CSTPP1: variants seen among roughly 807,000 people sequenced by gnomAD.
The protein encoded by CSTPP1 is centriolar satellite-associated tubulin polyglutamylase complex regulator 1.
the CSTPP1 span, among the ~76,000 whole-genome samples, chr11:46,955,370 T>G: frequency 2.1e-5 from 3 of 144,422 alleles, no homozygotes; most frequent in South Asian, 2.2e-4. Flanking sequence ...TGTTTTTTTG[T>G]TTTTTTTTTT....
the CSTPP1 span, among the ~76,000 whole-genome samples, chr11:47,132,553 C>T: frequency 6.6e-6 from 1 of 152,088 alleles, no homozygotes; most frequent in African/African-American, 2.4e-5. Context: ...ACAAGGAAAC[C>T]AAGGTTCAGG....
the CSTPP1 span, among the ~76,000 whole-genome samples, chr11:47,013,254 G>GTTTTA: frequency 3.4e-5 from 5 of 148,942 alleles, no homozygotes; most frequent in African/African-American, 1.3e-4. Context: ...GTTTTGTTTT[G>GTTTTA]TTTTAAGTTC....
At chr11:47,162,832 A>G in the CSTPP1 span, among the ~76,000 whole-genome samples, 1 of 152,176 alleles carries the variant, frequency 6.6e-6, no homozygotes, top group East Asian at 1.9e-4. Context: ...GGATCATTAC[A>G]GGAACTGCCT....
the CSTPP1 span, among the ~76,000 whole-genome samples, chr11:47,021,519 G>T: frequency 2.0e-5 from 3 of 152,162 alleles, no homozygotes; most frequent in African/African-American, 7.2e-5. Flanking sequence ...GTCCTGCCTG[G>T]CAGGGGGAGT....
At chr11:47,063,058 T>C in the CSTPP1 span, among the ~76,000 whole-genome samples, 2 of 152,204 alleles carry the variant, frequency 1.3e-5, no homozygotes, top group African/African-American at 4.8e-5. Flanking sequence ...TTGGTCCATT[T>C]ATAATCACTA....
chr11:47,048,003 G>A, the CSTPP1 span, among the ~76,000 whole-genome samples: 1 of 152,194 alleles, frequency 6.6e-6, no homozygotes, highest in African/African-American at 2.4e-5. Context: ...AAGGAAAATA[G>A]CATGTGTTGC....
chr11:47,039,770 C>T, the CSTPP1 span, among the ~76,000 whole-genome samples: 1 of 128,062 alleles, frequency 7.8e-6, no homozygotes, highest in Admixed American at 8.3e-5. Context: ...ACCCGGGAGG[C>T]GGAGCTTGCA....
the CSTPP1 span, among the ~76,000 whole-genome samples, chr11:47,025,303 C>T: frequency 2.3e-4 from 35 of 152,142 alleles, no homozygotes; most frequent in African/African-American, 6.5e-4. Flanking sequence ...CTGGAAATAA[C>T]GGTAGTAAAG....
the CSTPP1 span, among the ~76,000 whole-genome samples, chr11:47,036,233 ATAT>A: frequency 1.0e-4 from 6 of 57,606 alleles, 1 homozygote; most frequent in East Asian, 3.1e-4. Flanking sequence ...TATATATAAT[ATAT>A]TATATTTATA....
chr11:46,939,404 G>GA, the CSTPP1 span, among the ~76,000 whole-genome samples: 1 of 151,808 alleles, frequency 6.6e-6, no homozygotes, highest in Non-Finnish European at 1.5e-5. Context: ...CTTTTTAAAT[G>GA]AAAAACAATT....
chr11:46,949,389 T>C, the CSTPP1 span, among the ~76,000 whole-genome samples: 1 of 152,212 alleles, frequency 6.6e-6, no homozygotes, highest in African/African-American at 2.4e-5. Flanking sequence ...CGATAAAGAA[T>C]AGTGAATGTA....
chr11:46,943,847 C>T, the CSTPP1 span, among the ~76,000 whole-genome samples: 3 of 151,840 alleles, frequency 2.0e-5, no homozygotes, highest in East Asian at 1.9e-4. Context: ...AGTGAGACTT[C>T]GTCTCTACTA....
the CSTPP1 span, among the ~76,000 whole-genome samples, chr11:47,111,186 A>C: frequency 1.3e-5 from 2 of 152,016 alleles, no homozygotes; most frequent in Non-Finnish European, 2.9e-5. Flanking sequence ...CATGGCACTC[A>C]TCTCCTCAAG....
At chr11:46,997,191 C>T in the CSTPP1 span, among the ~76,000 whole-genome samples, 1 of 152,348 alleles carries the variant, frequency 6.6e-6, no homozygotes, top group East Asian at 1.9e-4. Context: ...TTCAGGTACA[C>T]CAATCAGATG....
At chr11:47,089,479 GTCACACCTTAAAC>G in the CSTPP1 span, among the ~76,000 whole-genome samples, 1 of 152,176 alleles carries the variant, frequency 6.6e-6, no homozygotes, top group Non-Finnish European at 1.5e-5. Flanking sequence ...TGAAGGTAAT[GTCACACCTTAAAC>G]TTGTTAATTT....
the CSTPP1 span, among the ~76,000 whole-genome samples, chr11:47,021,391 C>T: frequency 6.6e-6 from 1 of 152,184 alleles, no homozygotes; most frequent in African/African-American, 2.4e-5. Flanking sequence ...CTGAATTTCC[C>T]AGCTCACAAC....
At chr11:47,163,718 C>G in the CSTPP1 span, among the ~76,000 whole-genome samples, 1 of 152,182 alleles carries the variant, frequency 6.6e-6, no homozygotes, top group Admixed American at 6.5e-5. Context: ...TCTAGTCTCA[C>G]TGCAACCTCT....
the CSTPP1 span, among the ~76,000 whole-genome samples, chr11:46,965,514 C>CG: frequency 1.3e-4 from 20 of 152,042 alleles, no homozygotes; most frequent in Non-Finnish European, 2.6e-4. Flanking sequence ...CATGAGCCAC[C>CG]GTGCCTGGCC....
chr11:47,082,166 A>AAT, the CSTPP1 span, among the ~76,000 whole-genome samples: 3 of 150,490 alleles, frequency 2.0e-5, no homozygotes, highest in African/African-American at 4.8e-5. Flanking sequence ...AAAAAAAAAA[A>AAT]ATACAAAAAA....
Sources: gnomAD v4.1 joint callset for allele counts (sites outside exome capture counted in the v4.1 genomes callset) on GRCh38, gnomAD v4.1.1 for gene constraint, MANE v1.5 for transcripts, NCBI Gene and HGNC (gene_info 2026-07-23, HGNC 2026-07-21) for gene names.